WDFY4: variants seen among roughly 807,000 people sequenced by gnomAD.
WDFY4 encodes WDFY family member 4, also known as WD repeat- and FYVE domain-containing protein 4.
In WDFY4, 169 loss-of-function variants were observed where a neutral mutation model predicts 351.9. The observed-to-expected ratio is 0.48, with a 90% CI of 0.42 to 0.55. The LOEUF (loss-of-function observed/expected upper bound fraction) is 0.55, where lower values mean the gene tolerates loss of function less well. WDFY4 is among the 20% of genes least tolerant of loss of function. The pLI is 0.00. For missense variants in WDFY4, 3,803 were observed against 3,935.6 expected (o/e 0.97, Z 0.90); for synonymous variants, 1,622 against 1,574.6 (o/e 1.03, Z -0.71).
At chr10:48,913,750 C>G in intron 47 of WDFY4, 1 of 1,613,734 alleles carries the variant, frequency 6.2e-7, no homozygotes, top group Non-Finnish European at 8.5e-7. Flanking sequence ...GTGGTGGGCA[C>G]GCTGTCCAGG....
intron 12 of WDFY4, among the ~76,000 whole-genome samples, chr10:48,753,246 C>T (rs978669076): frequency 1.3e-5 from 2 of 151,988 alleles, no homozygotes; most frequent in Non-Finnish European, 2.9e-5. Context: ...TGTATGAATT[C>T]TTTATATATT....
chr10:48,731,382 C>T lies in WDFY4; in HGVS notation c.1402C>T (p.Arg468Ter), dbSNP rs539358549. 23 of 1,551,624 alleles carry T rather than the reference C, an allele frequency of 1.5e-5. No homozygotes were observed. The highest frequency in any genetic ancestry group is 5.9e-5 in the Admixed American group (3 of 50,990). The change falls in exon 9 of 62, where the codon CGA (arginine) becomes TGA (stop). Residue 468 changes from arginine to a stop codon, truncating the protein, a stop_gained. Coordinates refer to ENST00000325239, the MANE Select transcript of WDFY4 (RefSeq NM_001394531.1). LOFTEE classifies it high-confidence loss of function. ...ELHYVPHEIL[R>*]KVQHLIKESP... ...GCACTACGTGCCTCATGAGATCCTG[C>T]GAAAGGTACAGCATCTGATCAAGGA...
At position 48,790,926 on chromosome 10, in the gene WDFY4, A is replaced by G; in HGVS notation, c.4257+9A>G. 6.4e-7 allele frequency: 1 copy of G among 1,551,486 alleles called. No individual in the cohort carries two copies. The highest frequency in any genetic ancestry group is 8.7e-7 in the Non-Finnish European group (1 of 1,146,850). On this transcript the variant is annotated intron_variant, in intron 23 of 61. Coordinates refer to ENST00000325239, the MANE Select transcript of WDFY4 (RefSeq NM_001394531.1). ...ACATCTGTGGGTACCAGGTAATCCC[A>G]TCCTCCCACCTGGAACTGAGACTCC...
At chr10:48,828,999 T>G in intron 37 of WDFY4, 103 bp downstream of exon 37, 1 of 670,306 alleles carries the variant, frequency 1.5e-6, no homozygotes, top group Non-Finnish European at 2.5e-6. Context: ...AGTTCGTCCT[T>G]CCCGAAATAA....
intron 43 of WDFY4, among the ~76,000 whole-genome samples, 191 bp downstream of exon 43, chr10:48,877,390 A>G (rs2070062485): frequency 1.3e-5 from 2 of 152,208 alleles, no homozygotes; most frequent in African/African-American, 4.8e-5. Context: ...AAGAGTGCAA[A>G]GGGAAGTCTA....
In WDFY4 at chr10:48,784,850, CTTT is replaced by C. The variant is rs1255134626; in HGVS notation, c.3577-1770_3577-1768del. On this transcript the variant is annotated intron_variant, in intron 19 of 61. Coordinates refer to ENST00000325239, the MANE Select transcript of WDFY4 (RefSeq NM_001394531.1). ...CCACCACACCCAGTTGCATCGTTTA[CTTT>C]TTTTTTTTTTTTTTTTTTGAGACGG... 5.2e-3 allele frequency among the ~76,000 whole-genome samples: 417 copies of C among 80,656 alleles called. 2 individuals are homozygous for C. Among genetic ancestry groups the C allele is most frequent in the African/African-American group, 0.02 (379 of 18,710 alleles). The allele number at this position is 80,656 out of a possible 152,430, so 52.9% of individuals were successfully genotyped here. A position where few individuals can be genotyped will look rare whatever the true frequency, so the allele number is the denominator to read the frequency against.
At chr10:48,953,752 T>C (rs1335761400) in intron 51 of WDFY4, among the ~76,000 whole-genome samples, 1 of 152,220 alleles carries the variant, frequency 6.6e-6, no homozygotes, top group Non-Finnish European at 1.5e-5. Flanking sequence ...CTAGCATATA[T>C]TATAGAAATA....
chr10:48,891,121 T>A (rs1459694073), intron 44 of WDFY4, among the ~76,000 whole-genome samples: 1 of 152,232 alleles, frequency 6.6e-6, no homozygotes, highest in Non-Finnish European at 1.5e-5. Context: ...ATCGGCAGCA[T>A]GCACAGGTTC....
Position 48,981,373 on chromosome 10 carries a change from A to G in WDFY4, c.9383A>G (p.Lys3128Arg), listed in dbSNP as rs1418605262. The G allele has an allele frequency of 1.3e-6, 2 of 1,551,734 alleles. No individual in the cohort carries two copies. The highest frequency in any genetic ancestry group is 4.9e-5 in the East Asian group (2 of 40,922). Residue 3128 changes from lysine (K) to arginine (R), a missense_variant, in exon 61 of 62, where the codon AAG (lysine) becomes AGG (arginine). Lys to Arg is a conservative substitution (Grantham distance 26). Around this residue, in one of 3 missense-constraint regions of WDFY4, gnomAD observed 3,054 missense variants for 3,148.6 expected, o/e 0.97. Coordinates refer to ENST00000325239, the MANE Select transcript of WDFY4 (RefSeq NM_001394531.1). ...TCTCACATGCTCCACACAGGCCACA[A>G]GTGGGAGAAGAACCTGGCCTTGAGT... is the stretch of plus-strand genomic sequence containing the variant. ...PAQPPSPRGH[K>R]WEKNLALSRE... is the part of the protein sequence containing the mutation.
intron 44 of WDFY4, among the ~76,000 whole-genome samples, chr10:48,896,261 G>A (rs1837071858): frequency 6.6e-6 from 1 of 152,240 alleles, no homozygotes; most frequent in Non-Finnish European, 1.5e-5. Context: ...TAGCATGGAT[G>A]CTGGGAGCAC....
intron 1 of WDFY4, among the ~76,000 whole-genome samples, chr10:48,693,808 A>T (rs1484595300): frequency 6.6e-6 from 1 of 152,190 alleles, no homozygotes; most frequent in Non-Finnish European, 1.5e-5. Flanking sequence ...GCTGTATCTG[A>T]AAGTGTCTCT....
At chr10:48,728,654 C>T (rs1039665760) in intron 7 of WDFY4, among the ~76,000 whole-genome samples, 2 of 152,238 alleles carry the variant, frequency 1.3e-5, no homozygotes, top group African/African-American at 4.8e-5. Flanking sequence ...ACCCTAGTGC[C>T]TTCCTCCAAA....
intron 13 of WDFY4, among the ~76,000 whole-genome samples, chr10:48,766,892 G>A (rs1240081058): frequency 6.6e-6 from 1 of 152,204 alleles, no homozygotes; most frequent in African/African-American, 2.4e-5. Context: ...AGTGAAGCCA[G>A]GTGAATACAG....
chr10:48,881,792 G>T (rs1011000090), intron 43 of WDFY4, among the ~76,000 whole-genome samples: 6 of 152,136 alleles, frequency 3.9e-5, no homozygotes, highest in African/African-American at 9.7e-5. Context: ...CCACCAGCCA[G>T]GTCCACACAG....
chr10:48,832,475 G>A (rs1380195780), intron 38 of WDFY4, 98 bp from the exon 39 acceptor site: 2 of 1,366,794 alleles, frequency 1.5e-6, no homozygotes, highest in Non-Finnish European at 1.9e-6. Context: ...ACCACAGGGG[G>A]CTCATGCCCC....
At chr10:48,818,358 T>C (rs550049957) in intron 32 of WDFY4, among the ~76,000 whole-genome samples, 15 of 152,368 alleles carry the variant, frequency 9.8e-5, no homozygotes, top group Non-Finnish European at 1.8e-4. Flanking sequence ...ATGAGCAACA[T>C]GCTCTCTTAG....
chr10:48,721,217 G>A (rs1359971611), intron 3 of WDFY4, 44 bp from the exon 4 acceptor site: 2 of 1,523,494 alleles, frequency 1.3e-6, no homozygotes, highest in African/African-American at 1.4e-5. Context: ...GGGAAGCTGA[G>A]TGGGCAGGTC....
intron 1 of WDFY4, among the ~76,000 whole-genome samples, chr10:48,699,673 G>A (rs952859352): frequency 1.3e-5 from 2 of 152,204 alleles, no homozygotes; most frequent in Non-Finnish European, 2.9e-5. Context: ...CAGCTGGCCT[G>A]CCACACACTA....
chr10:48,826,859 C>T lies in WDFY4; in HGVS notation c.6171C>T (p.Ile2057=). ...DVVFATYNSN[I]SFLLCLMHCL... is the part of the protein sequence containing the mutation. ...TCTTTGCCACCTACAATTCCAACAT[C>T]AGCTTCCTCCTGTGTCTCATGCATT... The change falls in exon 36 of 62, where the codon ATC becomes ATT. Residue 2057 remains isoleucine, a synonymous_variant. Coordinates refer to ENST00000325239, the MANE Select transcript of WDFY4 (RefSeq NM_001394531.1). The T allele has an allele frequency of 1.9e-6, 3 of 1,551,780 alleles. No homozygotes were observed. The South Asian group carries it at 3.6e-5, about 18-fold the overall frequency.
Sources: gnomAD v4.1 joint callset for allele counts (sites outside exome capture counted in the v4.1 genomes callset) on GRCh38, gnomAD v4.1.1 for gene constraint, gnomAD v4.1.1 regional missense constraint, MANE v1.5 for transcripts, NCBI Gene and HGNC (gene_info 2026-07-23, HGNC 2026-07-21) for gene names.